DST: variants seen among roughly 807,000 people sequenced by gnomAD.
The protein encoded by DST is dystonin, also known as bullous pemphigoid antigen.
DST carries 253 observed loss-of-function variants against 875.2 expected under a neutral mutation model. The observed-to-expected ratio is 0.29, with a 90% CI of 0.26 to 0.32. DST has a LOEUF of 0.32. Ranked by LOEUF, DST falls within the 10% of genes least tolerant of loss-of-function variation. The pLI is 1.00. For synonymous variants in DST, 3,124 were observed against 3,197.1 expected (o/e 0.98, Z 0.77); for missense variants, 8,287 against 9,111.6 (o/e 0.91, Z 3.68).
rs370376181 is a variant in DST, at chr6:56,497,966, C to T, written c.19984G>A (p.Glu6662Lys). ...TTGTTCTGAAGGTTGCTTGCTTCTT[C>T]TCCTGCACTTGATTCAATTAGATCA... ...GNDLIESSAG[E>K]EASNLQNKLE... Residue 6662 changes from glutamate to lysine, a missense_variant, in exon 81 of 104, where the codon GAA (glutamate) becomes AAA (lysine). Physicochemically the swap from Glu to Lys is moderately conservative, Grantham distance 56 (BLOSUM62 1). Transcript: ENST00000680361. 6.2e-7 allele frequency: 1 copy of T among 1,613,410 alleles called. No homozygotes were observed. Among genetic ancestry groups the T allele is most frequent in the Non-Finnish European group, 8.5e-7 (1 of 1,179,626 alleles).
chr6:56,727,679 C>T (rs1335408595), intron 5 of DST, among the ~76,000 whole-genome samples: 1 of 152,136 alleles, frequency 6.6e-6, no homozygotes, highest in Admixed American at 6.5e-5. Context: ...AAGGCCAGGG[C>T]ATACCAGCCA....
chr6:56,856,231 TAAGTAC>T (rs1009889033), intron 3 of DST, among the ~76,000 whole-genome samples: 6 of 152,148 alleles, frequency 3.9e-5, no homozygotes, highest in Admixed American at 3.9e-4. Flanking sequence ...GGATCTGAGA[TAAGTAC>T]AATGGAACTG....
intron 4 of DST, among the ~76,000 whole-genome samples, chr6:56,782,300 A>G (rs995402177): frequency 6.6e-6 from 1 of 152,216 alleles, no homozygotes; most frequent in Non-Finnish European, 1.5e-5. Flanking sequence ...AAGGAATGGT[A>G]CCAGCTCCTC....
chr6:56,863,114 C>A (rs752407318), intron 3 of DST: 1 of 152,178 alleles, frequency 6.6e-6, no homozygotes, highest in Non-Finnish European at 1.5e-5. Context: ...GGAAACCTGC[C>A]CCCTTAGAGA....
At chr6:56,629,958 G>A (rs2098764357) in intron 31 of DST, among the ~76,000 whole-genome samples, 1 of 152,102 alleles carries the variant, frequency 6.6e-6, no homozygotes, top group South Asian at 2.1e-4. Flanking sequence ...TTTTCAGCAA[G>A]TTAATCTATT....
chr6:56,588,405 A>C (rs552062683), intron 49 of DST, among the ~76,000 whole-genome samples: 1 of 152,132 alleles, frequency 6.6e-6, no homozygotes, highest in Non-Finnish European at 1.5e-5. Context: ...CAGCTGGAAA[A>C]CCTTCCCTAA....
chr6:56,846,124 G>A (rs1229006346), intron 4 of DST, among the ~76,000 whole-genome samples: 2 of 152,172 alleles, frequency 1.3e-5, no homozygotes, highest in Non-Finnish European at 2.9e-5. Context: ...GGGGTTCTTG[G>A]GAGGTCTAAA....
chr6:56,648,921 T>G (rs1321581986), intron 12 of DST, among the ~76,000 whole-genome samples: 1 of 152,162 alleles, frequency 6.6e-6, no homozygotes, highest in Non-Finnish European at 1.5e-5. Flanking sequence ...CCAATTCTGA[T>G]CCAAAGAAAG....
chr6:56,948,600 C>T (rs1259611444), intron 2 of DST, among the ~76,000 whole-genome samples: 1 of 152,102 alleles, frequency 6.6e-6, no homozygotes, highest in Non-Finnish European at 1.5e-5. Context: ...CAGTTGGCCA[C>T]GGGTAACTGA....
At chr6:56,689,394 C>T (rs1015898187) in intron 9 of DST, among the ~76,000 whole-genome samples, 1 of 152,122 alleles carries the variant, frequency 6.6e-6, no homozygotes. Context: ...AGAAAACCTA[C>T]ATTAAGAAGA....
Position 56,608,690 on chromosome 6 carries a change from G to A in DST, c.5938C>T (p.Arg1980Cys), listed in dbSNP as rs375139773. ...CTTAACAACCTAAACATGGTTTCAC[G>A]GTCTATGAGACCTTCATGAGCTGCT... ...LRAAHEGLIDRETMFRLLSAQ... is the reference protein window; with the variant it reads ...LRAAHEGLIDCETMFRLLSAQ... Residue 1980 changes from arginine (R) to cysteine (C), a missense_variant, in exon 40 of 104, where the codon CGT becomes TGT. Coordinates refer to ENST00000680361, the MANE Select transcript of DST (RefSeq NM_001374736.1). The A allele has an allele frequency of 4.6e-5, 74 of 1,612,602 alleles. No homozygotes were observed. Among genetic ancestry groups the A allele is most frequent in the South Asian group, 2.5e-4 (23 of 90,906 alleles).
chr6:56,878,071 G>A (rs761037165), intron 3 of DST, among the ~76,000 whole-genome samples: 31 of 152,232 alleles, frequency 2.0e-4, no homozygotes, highest in Middle Eastern at 3.4e-3. Flanking sequence ...ACAAATGTAC[G>A]CAATGCCCTG....
chr6:56,937,221 T>TGAA (rs1434272941), intron 2 of DST, among the ~76,000 whole-genome samples: 2 of 151,892 alleles, frequency 1.3e-5, no homozygotes, highest in Non-Finnish European at 2.9e-5. Flanking sequence ...AAAGACACCA[T>TGAA]TAAGTAAATG....
At chr6:56,704,966 C>T (rs919110747) in intron 5 of DST, among the ~76,000 whole-genome samples, 6 of 152,170 alleles carry the variant, frequency 3.9e-5, no homozygotes, top group South Asian at 2.1e-4. Context: ...CTTCTTATAA[C>T]GGAAGATTTT....
chr6:56,624,473 G>A, intron 36 of DST, 57 bp downstream of exon 36: 1 of 1,182,786 alleles, frequency 8.5e-7, no homozygotes, highest in Non-Finnish European at 1.3e-6. Context: ...CTACACTGTA[G>A]TTACTGCTCA....
In DST at chr6:56,607,237, C is replaced by T; in HGVS notation, c.7391G>A (p.Cys2464Tyr). ...ACTGAATGATAAGGCTGGGGCTTCA[C>T]ACTTATTTCCATTGCTCTCTGGGGT... is the stretch of plus-strand genomic sequence containing the variant. ...THTPESNGNK[C>Y]EAPALSFSDK... Residue 2464 changes from cysteine (C) to tyrosine (Y), a missense_variant, in exon 40 of 104, where the codon TGT becomes TAT. Cys to Tyr is a radical substitution (Grantham distance 194). Transcript: ENST00000680361. The T allele has an allele frequency of 6.2e-7, 1 of 1,613,524 alleles. No individual in the cohort carries two copies. The highest frequency in any genetic ancestry group is 1.3e-5 in the African/African-American group (1 of 75,002).
intron 4 of DST, among the ~76,000 whole-genome samples, chr6:56,769,876 T>C (rs1385579190): frequency 1.3e-5 from 2 of 152,186 alleles, no homozygotes; most frequent in Admixed American, 6.5e-5. Flanking sequence ...GCTTATTCTC[T>C]TATTACTTTA....
Position 56,466,055 on chromosome 6 carries a change from TATC to T in DST, c.22687+20_22687+22del. 6.6e-7 allele frequency: 1 copy of T among 1,526,406 alleles called. No homozygotes were observed. The highest frequency in any genetic ancestry group is 9.0e-7 in the Non-Finnish European group (1 of 1,106,648). The allele number at this position is 1,526,406 out of a possible 1,614,324, so 94.6% of individuals were successfully genotyped here. A position where few individuals can be genotyped will look rare whatever the true frequency, so the allele number is the denominator to read the frequency against. On this transcript the variant is annotated intron_variant, in intron 99 of 103. Coordinates refer to ENST00000680361, the MANE Select transcript of DST (RefSeq NM_001374736.1). The stretch of plus-strand genomic sequence containing the variant: ...TAAAATTGAAATACTTTCATGATGT[TATC>T]ATGATAAGCATCTCCTTACCCCTGC...
At position 56,459,107 on chromosome 6, in the gene DST, T is replaced by C. The variant is rs577012766; in HGVS notation, c.23355A>G (p.Thr7785=). 1.2e-6 allele frequency: 2 copies of C among 1,613,830 alleles called. No individual in the cohort carries two copies. Among genetic ancestry groups the C allele is most frequent in the African/African-American group, 1.3e-5 (1 of 74,970 alleles). The change falls in exon 104 of 104, where the codon ACA becomes ACG. Residue 7785 remains threonine (T), a synonymous_variant. Coordinates refer to ENST00000680361, the MANE Select transcript of DST (RefSeq NM_001374736.1). The stretch of plus-strand genomic sequence containing the variant: ...TGGATGGCCGAGAACCTGCTCGGGG[T>C]GTAGGTCTGTGTGTCTGGGGGACAG... The part of the protein sequence containing the change: ...VETVPQTHRP[T]PRAGSRPSTA...
Sources: gnomAD v4.1 joint callset for allele counts (sites outside exome capture counted in the v4.1 genomes callset) on GRCh38, gnomAD v4.1.1 for gene constraint, MANE v1.5 for transcripts, NCBI Gene and HGNC (gene_info 2026-07-23, HGNC 2026-07-21) for gene names.